ARNT2: variants seen among roughly 807,000 people sequenced by gnomAD.
ARNT2 encodes aryl hydrocarbon receptor nuclear translocator 2.
Under a neutral mutation model 91.7 loss-of-function variants are expected in ARNT2, and 36 were observed. The ratio of observed to expected loss-of-function variants is 0.39; its 90% CI spans 0.30 to 0.52. The LOEUF is 0.52. ARNT2 is among the 20% of genes least tolerant of loss of function. ARNT2 has a pLI of 0.72. For missense variants in ARNT2, 775 were observed against 939.3 expected, an observed-to-expected ratio of 0.83 and a Z score of 2.29; for synonymous variants, 365 against 347.1, an observed-to-expected ratio of 1.05 and a Z score of -0.57.
At chr15:80,503,043 C>G (rs1352593585) in intron 5 of ARNT2, among the ~76,000 whole-genome samples, 1 of 152,222 alleles carries the variant, frequency 6.6e-6, no homozygotes, top group African/African-American at 2.4e-5. Flanking sequence ...CTCTAGGGAT[C>G]TGCTGGGAGT....
intron 5 of ARNT2, among the ~76,000 whole-genome samples, chr15:80,505,932 T>TTTTTTTTTTG (rs1897268426): frequency 1.6e-5 from 2 of 124,580 alleles, no homozygotes; most frequent in African/African-American, 3.9e-5. Flanking sequence ...TTGTTGTTTT[T>TTTTTTTTTTG]TTTTTTTTTT....
At chr15:80,550,554 C>T (rs1017354501) in intron 8 of ARNT2, among the ~76,000 whole-genome samples, 1 of 152,218 alleles carries the variant, frequency 6.6e-6, no homozygotes, top group African/African-American at 2.4e-5. Context: ...TGAAGGACCC[C>T]AGATACCAGA....
At chr15:80,472,341 G>T (rs1317455110) in intron 4 of ARNT2, among the ~76,000 whole-genome samples, 1 of 152,180 alleles carries the variant, frequency 6.6e-6, no homozygotes, top group Non-Finnish European at 1.5e-5. Context: ...AAAGAGGGGA[G>T]CAGAAGGGAT....
chr15:80,523,882 C>T (rs976611215), intron 8 of ARNT2, among the ~76,000 whole-genome samples: 2 of 152,156 alleles, frequency 1.3e-5, no homozygotes, highest in Non-Finnish European at 2.9e-5. Context: ...AAGTCTGCAA[C>T]GATGGCCCTT....
chr15:80,407,685 C>T lies in ARNT2; in HGVS notation c.31+3139C>T, dbSNP rs1336323082. Among the ~76,000 whole-genome samples, 3 of 151,670 alleles carry T rather than the reference C, an allele frequency of 2.0e-5. No individual in the cohort carries two copies. The East Asian group carries it at 5.8e-4, about 29-fold the overall frequency. ...TATCCTTTAGACTAGAGAGTGAAGT[C>T]ATAGAATCTTCCGTTTTGTGTGTCT... On this transcript the variant is annotated intron_variant, in intron 1 of 18. Transcript: ENST00000303329.
At position 80,411,272 on chromosome 15, in the gene ARNT2, GC is replaced by G. The variant is rs1430748294; in HGVS notation, c.31+6729del. Among the ~76,000 whole-genome samples, 8 of 152,198 alleles carry G rather than the reference GC, an allele frequency of 5.3e-5. No individual in the cohort carries two copies. In the East Asian group the frequency reaches 1.5e-3, roughly 29 times the overall value. ...TTATTTGATTGATACCTGACTGGAAGCCCTGTGAGGGCAGGGAATGTATCCA... is the reference window on the plus strand; with the variant it reads ...TTATTTGATTGATACCTGACTGGAAGCCTGTGAGGGCAGGGAATGTATCCA... On this transcript the variant is annotated intron_variant, in intron 1 of 18. Transcript: ENST00000303329.
In ARNT2 at chr15:80,597,296, C is replaced by A; in HGVS notation, c.*3598C>A. On this transcript the variant is annotated 3_prime_UTR_variant, in exon 19 of 19. Coordinates refer to ENST00000303329, the MANE Select transcript of ARNT2 (RefSeq NM_014862.4). ...CTTGCTCCGTCACGGTTCTGACCTA[C>A]CACATAAACAGGAAGAAGCCAGTGA... The A allele has an allele frequency of 1.9e-6, 1 of 518,536 alleles. No homozygotes were observed. 32.1% of individuals were successfully genotyped at this position (518,536 alleles called of 1,614,324 possible). A position where few individuals can be genotyped will look rare whatever the true frequency, so the allele number is the denominator to read the frequency against.
intron 5 of ARNT2, among the ~76,000 whole-genome samples, chr15:80,501,557 T>A (rs1897192642): frequency 6.6e-6 from 1 of 152,372 alleles, no homozygotes; most frequent in South Asian, 2.1e-4. Flanking sequence ...TTATTCAATC[T>A]TGTAGCCTGA....
intron 4 of ARNT2, 103 bp downstream of exon 4, chr15:80,470,534 A>G (rs961708415): frequency 5.5e-6 from 7 of 1,277,586 alleles, no homozygotes; most frequent in South Asian, 4.4e-5. Flanking sequence ...TGAGGAAGGA[A>G]TGAAGCCAAC....
chr15:80,503,915 G>A (rs1489065084), intron 5 of ARNT2, among the ~76,000 whole-genome samples: 1 of 152,260 alleles, frequency 6.6e-6, no homozygotes, highest in Non-Finnish European at 1.5e-5. Flanking sequence ...TGGTCCATGT[G>A]AGAAGGGAAG....
At chr15:80,481,532 A>G (rs1359074357) in intron 5 of ARNT2, among the ~76,000 whole-genome samples, 1 of 152,128 alleles carries the variant, frequency 6.6e-6, no homozygotes, top group African/African-American at 2.4e-5. Context: ...TATCATAGCA[A>G]GACCTTACTT....
At chr15:80,469,717 C>A (rs550968369) in intron 3 of ARNT2, among the ~76,000 whole-genome samples, 1 of 152,226 alleles carries the variant, frequency 6.6e-6, no homozygotes, top group African/African-American at 2.4e-5. Context: ...CAGGTTCAAG[C>A]AATTCTTGTG....
intron 8 of ARNT2, among the ~76,000 whole-genome samples, chr15:80,546,912 G>A (rs1197449010): frequency 6.6e-6 from 1 of 151,722 alleles, no homozygotes; most frequent in East Asian, 1.9e-4. Context: ...GCAGTGAGCC[G>A]AGATCACGCC....
At chr15:80,458,952 A>G (rs74342090) in intron 3 of ARNT2, among the ~76,000 whole-genome samples, 79 of 152,270 alleles carry the variant, frequency 5.2e-4, no homozygotes, top group African/African-American at 1.8e-3. Context: ...AACCACATGC[A>G]TATTGAGTTC....
At chr15:80,410,359 G>A (rs555898546) in intron 1 of ARNT2, among the ~76,000 whole-genome samples, 2 of 152,188 alleles carry the variant, frequency 1.3e-5, no homozygotes, top group African/African-American at 4.8e-5. Context: ...CCAGCTTTCT[G>A]TCCAACACCT....
intron 1 of ARNT2, among the ~76,000 whole-genome samples, chr15:80,414,521 A>G (rs772917300): frequency 1.3e-5 from 2 of 152,218 alleles, no homozygotes; most frequent in Admixed American, 6.5e-5. Flanking sequence ...TAAAAGCAAG[A>G]TGATGCTTTT....
At chr15:80,428,107 G>T (rs367956636) in intron 1 of ARNT2, among the ~76,000 whole-genome samples, 2 of 152,186 alleles carry the variant, frequency 1.3e-5, no homozygotes, top group African/African-American at 4.8e-5. Context: ...CAATAAAAAC[G>T]GTACTTGCTG....
At chr15:80,442,873 T>C in intron 1 of ARNT2, 2 of 985,454 alleles carry the variant, frequency 2.0e-6, no homozygotes, top group Non-Finnish European at 2.4e-6. Flanking sequence ...TTTTAGAATT[T>C]TCCCTTTTTG....
At chr15:80,526,147 G>T (rs1009679859) in intron 8 of ARNT2, among the ~76,000 whole-genome samples, 4 of 152,200 alleles carry the variant, frequency 2.6e-5, no homozygotes, top group Non-Finnish European at 5.9e-5. Context: ...AGCCCTTTCT[G>T]TTACACAGTG....
Sources: gnomAD v4.1 joint callset for allele counts (sites outside exome capture counted in the v4.1 genomes callset) on GRCh38, gnomAD v4.1.1 for gene constraint, MANE v1.5 for transcripts, NCBI Gene and HGNC (gene_info 2026-07-23, HGNC 2026-07-21) for gene names.